PTPN21: variants seen among roughly 807,000 people sequenced by gnomAD.
The protein encoded by PTPN21 is tyrosine-protein phosphatase non-receptor type 21.
Under a neutral mutation model 131.8 loss-of-function variants are expected in PTPN21, and 77 were observed. That is an observed-to-expected ratio of 0.58 (90% CI 0.49 to 0.71). PTPN21 has a LOEUF of 0.71. Ranked by LOEUF, PTPN21 falls within the 30% of genes least tolerant of loss-of-function variation. PTPN21 has a pLI of 0.00. For missense variants in PTPN21, 1,552 were observed against 1,527.1 expected (o/e 1.02, Z -0.27); for synonymous variants, 715 against 621.3 (o/e 1.15, Z -2.24).
chr14:88,466,488 C>G lies in PTPN21; in HGVS notation c.*1649G>C, dbSNP rs1360720568. 1.3e-5 allele frequency: 2 copies of G among 152,094 alleles called. No individual in the cohort carries two copies. The highest frequency in any genetic ancestry group is 2.4e-5 in the African/African-American group (1 of 41,396). The allele number at this position is 152,094 out of a possible 1,614,324, so 9.4% of individuals were successfully genotyped here. A position where few individuals can be genotyped will look rare whatever the true frequency, so the allele number is the denominator to read the frequency against. On this transcript the variant is annotated 3_prime_UTR_variant, in exon 19 of 19. Coordinates refer to ENST00000556564, the MANE Select transcript of PTPN21 (RefSeq NM_007039.4). ...GTGAGTTAAGGAGTGACATGGGAAT[C>G]AAAATGATGCCTAGAATAGTGTAAT...
At chr14:88,491,775 T>C (rs1255505103) in intron 10 of PTPN21, among the ~76,000 whole-genome samples, 2 of 152,156 alleles carry the variant, frequency 1.3e-5, no homozygotes, top group African/African-American at 4.8e-5. Context: ...ATCTATTGGA[T>C]ATATAGAGAT....
intron 2 of PTPN21, among the ~76,000 whole-genome samples, chr14:88,527,313 CATCT>C (rs1371023989): frequency 6.6e-6 from 1 of 152,138 alleles, no homozygotes; most frequent in Non-Finnish European, 1.5e-5. Flanking sequence ...TTTACACCAA[CATCT>C]ATTATTCTTT....
intron 2 of PTPN21, among the ~76,000 whole-genome samples, chr14:88,539,228 C>G (rs148149020): frequency 3.3e-5 from 5 of 150,574 alleles, no homozygotes; most frequent in Non-Finnish European, 7.4e-5. Context: ...AGATTACAGG[C>G]GACTGCCACC....
At chr14:88,524,152 G>A (rs1284704569) in intron 2 of PTPN21, among the ~76,000 whole-genome samples, 1 of 152,064 alleles carries the variant, frequency 6.6e-6, no homozygotes, top group Admixed American at 6.6e-5. Context: ...GGCCTGCAAG[G>A]GGCTCCAAAT....
chr14:88,479,619 TTGCACCGAGTGG>T lies in PTPN21; in HGVS notation c.1800_1811del (p.His600_Val603del). On this transcript the variant is annotated inframe_deletion, in exon 13 of 19. Transcript: ENST00000556564. ...CGGGCAGGCTGTCCTCCTGGAACGTTTGCACCGAGTGGTGCACGCGCCGCGTGATGAGGTCGG... is the reference window on the plus strand; with the variant it reads ...CGGGCAGGCTGTCCTCCTGGAACGTTTGCACGCGCCGCGTGATGAGGTCGG... 2 of 1,576,870 alleles carry T rather than the reference TTGCACCGAGTGG, an allele frequency of 1.3e-6. No homozygotes were observed. Among genetic ancestry groups the T allele is most frequent in the Non-Finnish European group, 1.7e-6 (2 of 1,166,784 alleles).
At chr14:88,502,875 G>C (rs2078032142) in intron 6 of PTPN21, among the ~76,000 whole-genome samples, 1 of 152,090 alleles carries the variant, frequency 6.6e-6, no homozygotes, top group Non-Finnish European at 1.5e-5. Flanking sequence ...AGAGAGGTAA[G>C]AGGAAACTGA....
At chr14:88,533,480 G>A (rs1226836711) in intron 2 of PTPN21, among the ~76,000 whole-genome samples, 2 of 152,184 alleles carry the variant, frequency 1.3e-5, no homozygotes, top group Non-Finnish European at 2.9e-5. Flanking sequence ...CAAAAGCACA[G>A]CACATACAAC....
Position 88,494,283 on chromosome 14 carries a change from C to T in PTPN21, c.932+2130G>A, listed in dbSNP as rs56227930. Among the ~76,000 whole-genome samples, 12 of 152,222 alleles carry T rather than the reference C, an allele frequency of 7.9e-5. No individual in the cohort carries two copies. In the East Asian group the frequency reaches 2.1e-3, roughly 27 times the overall value. Reference sequence around the variant, plus strand: ...CATCTGCAGCCTAGCCAGGATACCACTGTGGCTGGAACAGAGCAAGCAGGG... The same window carrying T: ...CATCTGCAGCCTAGCCAGGATACCATTGTGGCTGGAACAGAGCAAGCAGGG... On this transcript the variant is annotated intron_variant, in intron 10 of 18. Coordinates refer to ENST00000556564, the MANE Select transcript of PTPN21 (RefSeq NM_007039.4).
At chr14:88,547,253 T>C (rs1239094089) in intron 2 of PTPN21, among the ~76,000 whole-genome samples, 1 of 149,486 alleles carries the variant, frequency 6.7e-6, no homozygotes, top group African/African-American at 2.5e-5. Context: ...TAGACAGACC[T>C]GGTGCACGAG....
chr14:88,507,315 G>T (rs1327829365), intron 4 of PTPN21, among the ~76,000 whole-genome samples: 1 of 152,124 alleles, frequency 6.6e-6, no homozygotes, highest in Non-Finnish European at 1.5e-5. Flanking sequence ...TGTCAAGGAT[G>T]GGAATGTGTT....
intron 10 of PTPN21, among the ~76,000 whole-genome samples, chr14:88,490,014 T>G (rs1442625233): frequency 6.8e-6 from 1 of 146,942 alleles, no homozygotes; most frequent in African/African-American, 2.5e-5. Context: ...GTGGTTTTCT[T>G]TTTTTTTTTT....
At chr14:88,470,796 A>G (rs1025150047) in intron 15 of PTPN21, among the ~76,000 whole-genome samples, 8 of 152,188 alleles carry the variant, frequency 5.3e-5, no homozygotes, top group Admixed American at 1.3e-4. Context: ...CAGTGAATAA[A>G]CACTAGGGAG....
At chr14:88,490,272 G>T (rs745812489) in intron 10 of PTPN21, among the ~76,000 whole-genome samples, 1 of 152,126 alleles carries the variant, frequency 6.6e-6, no homozygotes, top group African/African-American at 2.4e-5. Context: ...GCCTCTCAAA[G>T]TGCTGGGATT....
At chr14:88,545,995 T>TAA (rs991650692) in intron 2 of PTPN21, among the ~76,000 whole-genome samples, 21 of 77,870 alleles carry the variant, frequency 2.7e-4, no homozygotes, top group Admixed American at 4.8e-4. Context: ...CTGTCTCAAA[T>TAA]AAAAAAAAAA....
At chr14:88,548,540 T>C (rs1380370999) in intron 2 of PTPN21, among the ~76,000 whole-genome samples, 1 of 152,158 alleles carries the variant, frequency 6.6e-6, no homozygotes, top group African/African-American at 2.4e-5. Context: ...CTACTTCCCT[T>C]ATCACAGCAT....
chr14:88,553,389 A>C (rs956467183), intron 1 of PTPN21, among the ~76,000 whole-genome samples: 4 of 152,200 alleles, frequency 2.6e-5, no homozygotes, highest in African/African-American at 9.6e-5. Context: ...TGATTTATAC[A>C]TCTTAATTTT....
intron 1 of PTPN21, chr14:88,551,332 G>T (rs1012591652): frequency 1.3e-5 from 2 of 152,282 alleles, no homozygotes; most frequent in Admixed American, 1.3e-4. Flanking sequence ...CCGCGGCCCA[G>T]AAGGGGAGGC....
intron 10 of PTPN21, among the ~76,000 whole-genome samples, chr14:88,494,405 C>T (rs2077871768): frequency 6.6e-6 from 1 of 152,168 alleles, no homozygotes; most frequent in Non-Finnish European, 1.5e-5. Flanking sequence ...GGCCTGGTGG[C>T]TCACACCTGT....
intron 2 of PTPN21, among the ~76,000 whole-genome samples, chr14:88,545,259 G>C (rs962987261): frequency 3.3e-5 from 5 of 152,200 alleles, no homozygotes; most frequent in African/African-American, 1.2e-4. Flanking sequence ...TAGGCAGAGG[G>C]CACACATACC....
Sources: gnomAD v4.1 joint callset for allele counts (sites outside exome capture counted in the v4.1 genomes callset) on GRCh38, gnomAD v4.1.1 for gene constraint, MANE v1.5 for transcripts, NCBI Gene and HGNC (gene_info 2026-07-23, HGNC 2026-07-21) for gene names.